The following GPC6 variants were observed in gnomAD, a reference collection of about 807,000 sequenced individuals.
GPC6 encodes glypican 6, also known as glypican-6.
In GPC6, 14 loss-of-function variants were observed where a neutral mutation model predicts 55.2. That is an observed-to-expected ratio of 0.25 (90% CI 0.17 to 0.40). The LOEUF is 0.40. GPC6 is among the 10% of genes least tolerant of loss of function. The probability of loss-of-function intolerance (pLI) is 1.00; values close to 1 mark genes in which losing one functional copy is unlikely to be tolerated. For missense variants in GPC6, 641 were observed against 708.5 expected (o/e 0.90, Z 1.08); for synonymous variants, 278 against 259.6 (o/e 1.07, Z -0.68).
chr13:93,932,982 T>G (rs574773789), intron 3 of GPC6, among the ~76,000 whole-genome samples: 1 of 149,636 alleles, frequency 6.7e-6, no homozygotes, highest in Non-Finnish European at 1.5e-5. Context: ...TCTTTTTTTT[T>G]TTTTTTTTTT....
chr13:93,756,043 G>A (rs146735997), intron 2 of GPC6, among the ~76,000 whole-genome samples: 3 of 152,248 alleles, frequency 2.0e-5, no homozygotes, highest in East Asian at 3.9e-4. Flanking sequence ...TTTAGTGGAA[G>A]AGGTGTATAT....
chr13:93,726,746 A>G (rs950829131), intron 2 of GPC6, among the ~76,000 whole-genome samples: 2 of 152,022 alleles, frequency 1.3e-5, no homozygotes, highest in African/African-American at 2.4e-5. Flanking sequence ...TCCCTGCACA[A>G]TGGCCTCCAT....
At chr13:93,755,150 A>G (rs997491788) in intron 2 of GPC6, among the ~76,000 whole-genome samples, 3 of 152,128 alleles carry the variant, frequency 2.0e-5, no homozygotes, top group African/African-American at 7.2e-5. Context: ...TTTCCAAAAT[A>G]TTTTTGCCAT....
At chr13:93,310,243 A>G (rs947136545) in intron 1 of GPC6, among the ~76,000 whole-genome samples, 2 of 152,178 alleles carry the variant, frequency 1.3e-5, no homozygotes, top group African/African-American at 4.8e-5. Flanking sequence ...AATGCTCAGG[A>G]AAGAGGGTGC....
In GPC6 at chr13:93,623,275, T is replaced by C. The variant is rs1046834045; in HGVS notation, c.319+77854T>C. 3.3e-5 allele frequency among the ~76,000 whole-genome samples: 5 copies of C among 152,264 alleles called. No homozygotes were observed. In the East Asian group the frequency reaches 7.7e-4, roughly 24 times the overall value. ...TCCTTGACATACTGATTCCATTTCC[T>C]TTGGATAAATGCCCAGTAGTGAGAC... On this transcript the variant is annotated intron_variant, in intron 2 of 8. Coordinates refer to ENST00000377047, the MANE Select transcript of GPC6 (RefSeq NM_005708.5).
intron 1 of GPC6, among the ~76,000 whole-genome samples, chr13:93,484,644 T>C (rs1879636420): frequency 6.6e-6 from 1 of 152,166 alleles, no homozygotes; most frequent in African/African-American, 2.4e-5. Context: ...ATTTGAATCT[T>C]TGCCTTTGAA....
chr13:94,106,922 G>A (rs1257610936), intron 4 of GPC6, among the ~76,000 whole-genome samples: 4 of 152,182 alleles, frequency 2.6e-5, no homozygotes, highest in Non-Finnish European at 5.9e-5. Flanking sequence ...AGCATAAGTA[G>A]TGGGTTCAGT....
At chr13:94,307,925 G>A (rs7491263) in intron 6 of GPC6, among the ~76,000 whole-genome samples, 83,292 of 151,908 alleles carry the variant, frequency 0.55, 24,044 homozygotes, top group East Asian at 0.87. Flanking sequence ...CAGGAGTACA[G>A]TGTGAGATGA....
intron 2 of GPC6, among the ~76,000 whole-genome samples, chr13:93,620,754 A>G (rs1878917060): frequency 6.6e-6 from 1 of 152,152 alleles, no homozygotes; most frequent in Non-Finnish European, 1.5e-5. Flanking sequence ...CCTTTGATGA[A>G]CACAGGTTTA....
chr13:93,360,088 G>A (rs1038722100), intron 1 of GPC6, among the ~76,000 whole-genome samples: 4 of 152,148 alleles, frequency 2.6e-5, no homozygotes, highest in Non-Finnish European at 5.9e-5. Context: ...CCTAGAGAGA[G>A]CCAGTAAAAG....
chr13:94,266,895 C>T (rs1207724119), intron 4 of GPC6, among the ~76,000 whole-genome samples: 1 of 152,144 alleles, frequency 6.6e-6, no homozygotes, highest in Non-Finnish European at 1.5e-5. Flanking sequence ...TCTGCTGAGT[C>T]TTGCATTGAT....
At chr13:93,848,372 C>A (rs1286061355) in intron 3 of GPC6, among the ~76,000 whole-genome samples, 1 of 151,846 alleles carries the variant, frequency 6.6e-6, no homozygotes, top group Non-Finnish European at 1.5e-5. Flanking sequence ...TGTGTTGCTT[C>A]CTCTCTATAT....
intron 1 of GPC6, among the ~76,000 whole-genome samples, chr13:93,477,053 G>A (rs571827976): frequency 3.3e-5 from 5 of 152,052 alleles, no homozygotes; most frequent in Non-Finnish European, 7.4e-5. Context: ...TAGATATTCT[G>A]AGGAAAGTTT....
At chr13:93,317,560 T>C (rs1239710020) in intron 1 of GPC6, among the ~76,000 whole-genome samples, 1 of 152,160 alleles carries the variant, frequency 6.6e-6, no homozygotes, top group Non-Finnish European at 1.5e-5. Context: ...TCTGTTTTGT[T>C]TTATGTTTCT....
At chr13:93,791,665 A>G (rs1886039429) in intron 2 of GPC6, among the ~76,000 whole-genome samples, 1 of 151,640 alleles carries the variant, frequency 6.6e-6, no homozygotes, top group Admixed American at 6.6e-5. Flanking sequence ...GAGTTATCTT[A>G]CTTTCCTGTT....
intron 1 of GPC6, among the ~76,000 whole-genome samples, chr13:93,403,842 G>A (rs994829008): frequency 3.9e-5 from 6 of 151,960 alleles, no homozygotes; most frequent in Admixed American, 2.6e-4. Context: ...AATTCAACAT[G>A]AGCTTTGTGG....
chr13:93,881,274 T>G (rs1242568158), intron 3 of GPC6, among the ~76,000 whole-genome samples: 2 of 152,098 alleles, frequency 1.3e-5, no homozygotes, highest in African/African-American at 4.8e-5. Flanking sequence ...GCAATTTAAA[T>G]GTAATTATTT....
At chr13:93,941,727 A>G (rs1488632543) in intron 3 of GPC6, among the ~76,000 whole-genome samples, 2 of 152,214 alleles carry the variant, frequency 1.3e-5, no homozygotes, top group African/African-American at 2.4e-5. Flanking sequence ...ATAAGACTAT[A>G]CAAGAAATAG....
chr13:93,661,688 C>T (rs767435423), intron 2 of GPC6, among the ~76,000 whole-genome samples: 6 of 152,078 alleles, frequency 3.9e-5, no homozygotes, highest in Non-Finnish European at 8.8e-5. Flanking sequence ...ATGCTATCTC[C>T]GAAGGAATGG....
Sources: allele counts gnomAD v4.1 joint callset (sites outside exome capture counted in the v4.1 genomes callset), GRCh38; gene constraint gnomAD v4.1.1; transcripts MANE v1.5; gene names NCBI Gene and HGNC (gene_info 2026-07-23, HGNC 2026-07-21).